Variants in KCNAB1 observed in about 807,000 individuals in gnomAD.
KCNAB1 encodes the protein potassium voltage-gated channel subfamily A regulatory beta subunit 1, also known as voltage-gated potassium channel subunit beta-1.
Under a neutral mutation model 64.6 loss-of-function variants are expected in KCNAB1, and 35 were observed. That is an observed-to-expected ratio of 0.54 (90% confidence interval 0.41 to 0.72). The LOEUF (loss-of-function observed/expected upper bound fraction) is 0.72, where lower values mean the gene tolerates loss of function less well. KCNAB1 is among the 30% of genes least tolerant of loss of function. The pLI is 0.00. For synonymous variants in KCNAB1, 177 were observed against 183.8 expected (o/e 0.96, Z 0.30); for missense variants, 401 against 512.9 (o/e 0.78, Z 2.11).
At chr3:156,125,257 CG>C (rs1281606665) in intron 1 of KCNAB1, among the ~76,000 whole-genome samples, 2 of 152,064 alleles carry the variant, frequency 1.3e-5, no homozygotes, top group Admixed American at 1.3e-4. Flanking sequence ...ATACTGTACA[CG>C]GTGTATTTAA....
chr3:156,205,972 G>A (rs1416539634), intron 1 of KCNAB1, among the ~76,000 whole-genome samples: 1 of 152,156 alleles, frequency 6.6e-6, no homozygotes, highest in African/African-American at 2.4e-5. Flanking sequence ...ACTTGTACAT[G>A]CTGTTTTGTT....
At position 156,252,333 on chromosome 3, in the gene KCNAB1, C is replaced by T. The variant is rs1717878568; in HGVS notation, c.275+131447C>T. On this transcript the variant is annotated intron_variant, in intron 1 of 13. Transcript: ENST00000490337. ...TTTTATCTCTTATTGCTATTTTTCC[C>T]CCTGTTTGCTGGCTGAGAGGAAAGT... Among the ~76,000 whole-genome samples, 3 of 152,160 alleles carry T rather than the reference C, an allele frequency of 2.0e-5. No individual in the cohort carries two copies. In the South Asian group the frequency reaches 6.2e-4, roughly 32 times the overall value.
chr3:156,509,848 C>T (rs1717078711), intron 8 of KCNAB1, among the ~76,000 whole-genome samples: 1 of 152,214 alleles, frequency 6.6e-6, no homozygotes, highest in African/African-American at 2.4e-5. Flanking sequence ...ATGTTATGCA[C>T]TTAACAGTAT....
intron 1 of KCNAB1, among the ~76,000 whole-genome samples, chr3:156,351,695 G>A (rs1163094818): frequency 2.6e-5 from 4 of 152,166 alleles, no homozygotes; most frequent in African/African-American, 7.2e-5. Context: ...GCCTTGAGAT[G>A]GGTAAGAGTC....
intron 1 of KCNAB1, among the ~76,000 whole-genome samples, chr3:156,371,731 A>C (rs1726320346): frequency 6.6e-6 from 1 of 152,160 alleles, no homozygotes. Context: ...TCAGTTTTTC[A>C]GTATTTTGCA....
At chr3:156,374,385 G>A (rs1304744784) in intron 1 of KCNAB1, among the ~76,000 whole-genome samples, 5 of 85,198 alleles carry the variant, frequency 5.9e-5, no homozygotes, top group African/African-American at 2.6e-4. Flanking sequence ...TTTTGGCCAT[G>A]AATTCCTGAG....
chr3:156,354,116 G>GTGTGTATTTATATATATATATATATA (rs1239788815), intron 1 of KCNAB1, among the ~76,000 whole-genome samples: 1 of 103,968 alleles, frequency 9.6e-6, no homozygotes, highest in African/African-American at 3.9e-5. Flanking sequence ...ATATATGTGT[G>GTGTGTATTTATATATATATATATATA]TGTGTATATA....
chr3:156,472,928 C>T (rs1167786518), intron 7 of KCNAB1, among the ~76,000 whole-genome samples: 1 of 152,202 alleles, frequency 6.6e-6, no homozygotes, highest in Non-Finnish European at 1.5e-5. Flanking sequence ...TCACACAGTG[C>T]TGTAACAGTG....
intron 1 of KCNAB1, among the ~76,000 whole-genome samples, chr3:156,415,935 T>C (rs1715038124): frequency 6.6e-6 from 1 of 152,216 alleles, no homozygotes; most frequent in Non-Finnish European, 1.5e-5. Context: ...CCAAAACCGT[T>C]GTTCCCCCAA....
chr3:156,502,839 A>G (rs1716540866), intron 8 of KCNAB1, among the ~76,000 whole-genome samples: 1 of 152,190 alleles, frequency 6.6e-6, no homozygotes, highest in African/African-American at 2.4e-5. Context: ...TCACAAATGA[A>G]GATATAAGTC....
At chr3:156,358,223 A>T (rs1725387457) in intron 1 of KCNAB1, among the ~76,000 whole-genome samples, 1 of 152,250 alleles carries the variant, frequency 6.6e-6, no homozygotes, top group East Asian at 1.9e-4. Context: ...AACTTTTGGC[A>T]GAATGAGGCT....
At chr3:156,372,912 G>C (rs186286684) in intron 1 of KCNAB1, among the ~76,000 whole-genome samples, 3 of 152,174 alleles carry the variant, frequency 2.0e-5, no homozygotes, top group Admixed American at 6.5e-5. Flanking sequence ...CCTCTCTCAG[G>C]TCCTCTCTGT....
intron 8 of KCNAB1, among the ~76,000 whole-genome samples, chr3:156,509,600 C>T (rs567170345): frequency 5.9e-5 from 9 of 152,322 alleles, no homozygotes; most frequent in African/African-American, 2.2e-4. Context: ...GCCCCCACTC[C>T]AGGTGTTTCT....
rs1553756361 is a variant in KCNAB1 at position 156,504,736 on chromosome 3, G to GTTTTTTTTTTTTTTTTTTTTTTTTT, written c.659-9623_659-9622insTTTTTTTTTTTTTTTTTTTTTTTTT. ...ATTTTTAAATTGGATTACTTGTTTTGTTTTTGTTTTTTTTGTTTTTTTTTT... is the reference window on the plus strand; with the variant it reads ...ATTTTTAAATTGGATTACTTGTTTTGTTTTTTTTTTTTTTTTTTTTTTTTTTTTTTGTTTTTTTTGTTTTTTTTTT... On this transcript the variant is annotated intron_variant, in intron 8 of 13. Transcript: ENST00000490337. Among the ~76,000 whole-genome samples the GTTTTTTTTTTTTTTTTTTTTTTTTT allele has an allele frequency of 1.9e-5, 2 of 105,860 alleles. 1 individual carries two copies. The allele number at this position is 105,860 out of a possible 152,430, so 69.4% of individuals were successfully genotyped here.
intron 1 of KCNAB1, among the ~76,000 whole-genome samples, chr3:156,139,041 C>T (rs1235214025): frequency 2.0e-5 from 3 of 152,180 alleles, no homozygotes; most frequent in Admixed American, 6.5e-5. Flanking sequence ...TGAAAATCAT[C>T]GTTCCTGAGA....
intron 1 of KCNAB1, among the ~76,000 whole-genome samples, chr3:156,397,954 C>G (rs755854829): frequency 6.6e-6 from 1 of 152,196 alleles, no homozygotes; most frequent in Non-Finnish European, 1.5e-5. Context: ...TAGATATTTT[C>G]CAATTGCTTT....
chr3:156,180,669 G>A (rs2108344948), intron 1 of KCNAB1, among the ~76,000 whole-genome samples: 1 of 152,218 alleles, frequency 6.6e-6, no homozygotes, highest in Middle Eastern at 3.4e-3. Flanking sequence ...GCAAGGCTCT[G>A]AGTTAGATGC....
intron 2 of KCNAB1, among the ~76,000 whole-genome samples, chr3:156,443,388 G>C (rs914418930): frequency 1.6e-4 from 24 of 152,146 alleles, no homozygotes; most frequent in African/African-American, 5.6e-4. Context: ...GGCTGGAATA[G>C]AGCATAGGGG....
chr3:156,282,422 C>A (rs1308363938), intron 1 of KCNAB1, among the ~76,000 whole-genome samples: 1 of 146,552 alleles, frequency 6.8e-6, no homozygotes, highest in Admixed American at 6.8e-5. Flanking sequence ...TGGTGTGGTG[C>A]TGAAAAAAAT....
Sources: allele counts gnomAD v4.1 joint callset (sites outside exome capture counted in the v4.1 genomes callset), GRCh38; gene constraint gnomAD v4.1.1; transcripts MANE v1.5; gene names NCBI Gene and HGNC (gene_info 2026-07-23, HGNC 2026-07-21).